The following CTNNA3 variants were observed in gnomAD, a reference collection of about 807,000 sequenced individuals.
CTNNA3 encodes catenin alpha 3.
CTNNA3 carries 76 observed loss-of-function variants against 95.7 expected under a neutral mutation model. The ratio of observed to expected loss-of-function variants is 0.79; its 90% CI spans 0.66 to 0.96. The LOEUF (loss-of-function observed/expected upper bound fraction) is 0.96. Among genes scored for constraint, CTNNA3 ranks in the 40% least tolerant of loss-of-function variants. The pLI, the probability that CTNNA3 is intolerant of heterozygous loss-of-function variation, is 0.00. For missense variants in CTNNA3, 1,191 were observed against 1,089.8 expected, an observed-to-expected ratio of 1.09 and a Z score of -1.31; for synonymous variants, 431 against 374.4, an observed-to-expected ratio of 1.15 and a Z score of -1.74.
intron 15 of CTNNA3, among the ~76,000 whole-genome samples, chr10:66,051,396 T>C (rs2079957462): frequency 6.6e-6 from 1 of 152,230 alleles, no homozygotes; most frequent in African/African-American, 2.4e-5. Flanking sequence ...TTCCTGGACT[T>C]CGTTCCACTG....
intron 6 of CTNNA3, among the ~76,000 whole-genome samples, chr10:67,216,512 G>A (rs1904639): frequency 0.16 from 23,681 of 152,106 alleles, 2,424 homozygotes; most frequent in African/African-American, 0.29. Context: ...ATGGCATGCC[G>A]TATTATTGCA....
intron 7 of CTNNA3, among the ~76,000 whole-genome samples, chr10:66,878,941 A>C (rs1304912825): frequency 6.6e-6 from 1 of 152,184 alleles, no homozygotes. Flanking sequence ...TTTCTTAAAT[A>C]ATGTGAGTGG....
chr10:66,718,587 G>A (rs999401407), intron 9 of CTNNA3, among the ~76,000 whole-genome samples: 2 of 148,126 alleles, frequency 1.4e-5, no homozygotes, highest in Admixed American at 1.4e-4. Context: ...AGTAATTTAT[G>A]GTAAATAAAT....
intron 3 of CTNNA3, among the ~76,000 whole-genome samples, chr10:67,558,230 A>C (rs1057091647): frequency 2.6e-5 from 4 of 152,206 alleles, no homozygotes; most frequent in African/African-American, 9.6e-5. Flanking sequence ...CAACCTCTGT[A>C]GTATGGTCCC....
intron 10 of CTNNA3, among the ~76,000 whole-genome samples, chr10:66,591,970 C>T (rs1843567015): frequency 6.6e-6 from 1 of 151,936 alleles, no homozygotes; most frequent in African/African-American, 2.4e-5. Context: ...TTGACCTCTC[C>T]CATGAATTGC....
chr10:67,272,625 A>T (rs1839029437), intron 5 of CTNNA3, among the ~76,000 whole-genome samples: 1 of 152,202 alleles, frequency 6.6e-6, no homozygotes, highest in African/African-American at 2.4e-5. Context: ...TTATTAATTC[A>T]TTGTTGTGGA....
At chr10:66,543,135 C>G (rs1326386435) in intron 10 of CTNNA3, among the ~76,000 whole-genome samples, 1 of 152,060 alleles carries the variant, frequency 6.6e-6, no homozygotes, top group Non-Finnish European at 1.5e-5. Context: ...GCTGCCCAGG[C>G]TAGAGTTCAA....
intron 13 of CTNNA3, among the ~76,000 whole-genome samples, chr10:66,272,797 C>T (rs1018766666): frequency 1.3e-5 from 2 of 152,136 alleles, no homozygotes; most frequent in African/African-American, 4.8e-5. Flanking sequence ...ACAATTAATA[C>T]TACACTGCCC....
intron 5 of CTNNA3, among the ~76,000 whole-genome samples, chr10:67,302,067 GAAAGAAAGAAAGAAAGAAAGAAAGAAAGA>G (rs1840339453): frequency 2.5e-5 from 2 of 81,060 alleles, no homozygotes; most frequent in Non-Finnish European, 4.4e-5. Context: ...AAGAAAGAAA[GAAAGAAAGAAAGAAAGAAAGAAAGAAAGA>G]AAATCCTTTC....
intron 5 of CTNNA3, among the ~76,000 whole-genome samples, chr10:67,249,143 G>C (rs990911744): frequency 6.6e-6 from 1 of 151,940 alleles, no homozygotes; most frequent in African/African-American, 2.4e-5. Context: ...GTACTATAAA[G>C]TAAAAAGACA....
intron 13 of CTNNA3, among the ~76,000 whole-genome samples, chr10:66,258,191 G>A (rs1238667968): frequency 6.6e-6 from 1 of 152,176 alleles, no homozygotes; most frequent in East Asian, 1.9e-4. Context: ...TAACAAGGCT[G>A]TTTTAGACAA....
chr10:66,059,232 T>C (rs540831039), intron 15 of CTNNA3, among the ~76,000 whole-genome samples: 43 of 152,270 alleles, frequency 2.8e-4, no homozygotes, highest in African/African-American at 9.4e-4. Flanking sequence ...AATAACCCGT[T>C]TTCTGTAGCT....
chr10:66,014,972 G>T (rs567331403), intron 15 of CTNNA3, among the ~76,000 whole-genome samples: 1 of 151,832 alleles, frequency 6.6e-6, no homozygotes, highest in Non-Finnish European at 1.5e-5. Context: ...GCATGGTGGC[G>T]CACGCCTGTA....
intron 7 of CTNNA3, among the ~76,000 whole-genome samples, chr10:66,957,749 T>C (rs1848901629): frequency 6.6e-6 from 1 of 152,024 alleles, no homozygotes; most frequent in Admixed American, 6.6e-5. Flanking sequence ...ATCACCATCC[T>C]AAGGCAGAAG....
intron 7 of CTNNA3, among the ~76,000 whole-genome samples, chr10:66,798,244 C>T (rs1157745488): frequency 6.6e-6 from 1 of 151,664 alleles, no homozygotes; most frequent in Non-Finnish European, 1.5e-5. Context: ...CCCATGGAAA[C>T]ATATTTTAAG....
intron 13 of CTNNA3, among the ~76,000 whole-genome samples, chr10:66,170,242 T>C (rs924007970): frequency 3.4e-5 from 2 of 59,630 alleles, no homozygotes; most frequent in East Asian, 4.6e-4. Flanking sequence ...CCTCATTGTC[T>C]TTTTTTTTTT....
chr10:66,750,920 T>C lies in CTNNA3; in HGVS notation c.1281+15344A>G, dbSNP rs556473328. Among the ~76,000 whole-genome samples the C allele has an allele frequency of 2.0e-5, 3 of 152,318 alleles. No homozygotes were observed. In the East Asian group the frequency reaches 5.8e-4, roughly 29 times the overall value. Reference sequence around the variant, plus strand: ...TGTAGTTTTCCTCAATTTAAATTTATACCTAAGTATTTCATTTTTGAGGGT... The same window carrying C: ...TGTAGTTTTCCTCAATTTAAATTTACACCTAAGTATTTCATTTTTGAGGGT... On this transcript the variant is annotated intron_variant, in intron 9 of 17. Transcript: ENST00000433211.
At chr10:67,054,303 TA>T (rs1235069107) in intron 7 of CTNNA3, among the ~76,000 whole-genome samples, 1 of 152,122 alleles carries the variant, frequency 6.6e-6, no homozygotes, top group Non-Finnish European at 1.5e-5. Flanking sequence ...ACATGTAGAA[TA>T]AAAGTACTGA....
At chr10:66,470,644 T>C (rs1451790168) in intron 11 of CTNNA3, among the ~76,000 whole-genome samples, 2 of 151,438 alleles carry the variant, frequency 1.3e-5, no homozygotes, top group Non-Finnish European at 3.0e-5. Context: ...AAGAATATAT[T>C]AGAGTTGGAC....
Sources: gnomAD v4.1 joint callset for allele counts (sites outside exome capture counted in the v4.1 genomes callset) on GRCh38, gnomAD v4.1.1 for gene constraint, MANE v1.5 for transcripts, NCBI Gene and HGNC (gene_info 2026-07-23, HGNC 2026-07-21) for gene names.